Variants in ASXL2 observed in about 807,000 individuals in gnomAD.
ASXL2 encodes putative Polycomb group protein ASXL2.
In ASXL2, 23 loss-of-function variants were observed where a neutral mutation model predicts 122.0. That is an observed-to-expected ratio of 0.19 (90% CI 0.14 to 0.27). ASXL2 has a LOEUF of 0.27. ASXL2 is among the 10% of genes least tolerant of loss of function. The pLI, the probability that ASXL2 is intolerant of heterozygous loss-of-function variation, is 1.00. For missense variants in ASXL2, 1,518 were observed against 1,713.8 expected (o/e 0.89, Z 2.02); for synonymous variants, 650 against 637.0 (o/e 1.02, Z -0.31).
intron 5 of ASXL2, among the ~76,000 whole-genome samples, chr2:25,787,299 A>G (rs912323706): frequency 5.3e-5 from 8 of 152,224 alleles, no homozygotes; most frequent in Admixed American, 1.3e-4. Context: ...TGCTTCTGCT[A>G]AAAGCAGTGA....
chr2:25,810,630 T>C lies in ASXL2; in HGVS notation c.144-4293A>G. The C allele has an allele frequency of 3.8e-6, 3 of 787,410 alleles. No individual in the cohort carries two copies. In the South Asian group the frequency reaches 4.1e-5, roughly 11 times the overall value. The allele number at this position is 787,410 out of a possible 1,614,324, so 48.8% of individuals were successfully genotyped here. Reference sequence around the variant, plus strand: ...GCAGAACCTGGATATTGTGCTTCACTGCCTCAATAGTGGTGATCCCAGCCA... The same window carrying C: ...GCAGAACCTGGATATTGTGCTTCACCGCCTCAATAGTGGTGATCCCAGCCA... On this transcript the variant is annotated intron_variant, in intron 3 of 12. Coordinates refer to ENST00000435504, the MANE Select transcript of ASXL2 (RefSeq NM_018263.6).
chr2:25,748,255 T>G (rs1044762942), intron 12 of ASXL2, among the ~76,000 whole-genome samples: 1 of 151,010 alleles, frequency 6.6e-6, no homozygotes, highest in Non-Finnish European at 1.5e-5. Flanking sequence ...TCCCAGCACT[T>G]TGGGAGGCAG....
intron 2 of ASXL2, 81 bp downstream of exon 2, chr2:25,845,400 G>T (rs1187367286): frequency 2.2e-6 from 3 of 1,338,626 alleles, no homozygotes; most frequent in South Asian, 1.4e-5. Context: ...TTAATCTTCA[G>T]GACTAAAGTA....
At chr2:25,806,610 A>T (rs545069337) in intron 3 of ASXL2, among the ~76,000 whole-genome samples, 2 of 152,242 alleles carry the variant, frequency 1.3e-5, no homozygotes, top group African/African-American at 4.8e-5. Flanking sequence ...TATTACAAAC[A>T]TATTTTGTAA....
rs147416122 is a variant in ASXL2, at chr2:25,856,695, T to C, written c.58-11132A>G. ...CCCTCAGCCGTTAGAGTGAGCCAGT[T>C]TGCATACCTGGATCGATTCAGTCAC... is the stretch of plus-strand genomic sequence containing the variant. On this transcript the variant is annotated intron_variant, in intron 1 of 12. Coordinates refer to ENST00000435504, the MANE Select transcript of ASXL2 (RefSeq NM_018263.6). The C allele has an allele frequency of 1.3e-3, 1,721 of 1,291,940 alleles. 43 individuals are homozygous for C. In the East Asian group the frequency reaches 0.033, roughly 25 times the overall value. 80.0% of individuals were successfully genotyped at this position (1,291,940 alleles called of 1,614,324 possible).
chr2:25,856,364 T>A (rs948515645), intron 1 of ASXL2: 1 of 164,274 alleles, frequency 6.1e-6, no homozygotes, highest in Admixed American at 1.3e-4. Context: ...TGGCCTATAC[T>A]TTTTTTTTTT....
chr2:25,868,838 G>A (rs959832651), intron 1 of ASXL2, among the ~76,000 whole-genome samples: 4 of 152,106 alleles, frequency 2.6e-5, no homozygotes, highest in Non-Finnish European at 5.9e-5. Context: ...AGACCAGCAT[G>A]AGCAACATGC....
chr2:25,863,930 C>T lies in ASXL2; in HGVS notation c.57+14236G>A, dbSNP rs140115695. Among the ~76,000 whole-genome samples, 260 of 150,608 alleles carry T rather than the reference C, an allele frequency of 1.7e-3. 3 individuals carry two copies. The highest frequency in any genetic ancestry group is 6.2e-3 in the African/African-American group (255 of 40,872). On this transcript the variant is annotated intron_variant, in intron 1 of 12. Transcript: ENST00000435504. ...CTGAGGCAGGACAACTGCTTGAACC[C>T]GGGAGGTGGGGGCTGCAGTAAGCTG...
In ASXL2 at chr2:25,743,363, C is replaced by T; in HGVS notation, c.2974G>A (p.Ala992Thr). ...TCTGTTGTGTTGGTAGCTATGAGCG[C>T]TCCCATCCCCCTTTCCTCTTTTGCA... ...LTAKEERGMG[A>T]LIATNTTENS... Residue 992 changes from alanine to threonine, a missense_variant, in exon 13 of 13, where the codon GCG becomes ACG. By Grantham distance (58) the Ala-to-Thr change is moderately conservative (BLOSUM62 0). Transcript: ENST00000435504. 1 of 1,613,906 alleles carries T rather than the reference C, an allele frequency of 6.2e-7. No homozygotes were observed. Among genetic ancestry groups the T allele is most frequent in the Non-Finnish European group, 8.5e-7 (1 of 1,179,882 alleles).
At chr2:25,752,475 T>C (rs2088062247) in intron 11 of ASXL2, among the ~76,000 whole-genome samples, 1 of 152,224 alleles carries the variant, frequency 6.6e-6, no homozygotes, top group Non-Finnish European at 1.5e-5. Context: ...TAGTCCACAT[T>C]ACAAAATTCC....
At chr2:25,801,423 T>G (rs1056582313) in intron 4 of ASXL2, among the ~76,000 whole-genome samples, 1 of 152,184 alleles carries the variant, frequency 6.6e-6, no homozygotes, top group African/African-American at 2.4e-5. Flanking sequence ...CTAGTTAAGT[T>G]AGGTATTTTT....
At chr2:25,837,366 C>T (rs555307737) in intron 2 of ASXL2, among the ~76,000 whole-genome samples, 2 of 151,736 alleles carry the variant, frequency 1.3e-5, no homozygotes, top group South Asian at 4.2e-4. Flanking sequence ...TTTTTGTAAG[C>T]CAGAATATCC....
chr2:25,749,866 C>T lies in ASXL2; in HGVS notation c.1690G>A (p.Glu564Lys). 6.2e-7 allele frequency: 1 copy of T among 1,610,950 alleles called. No individual in the cohort carries two copies. Among genetic ancestry groups the T allele is most frequent in the Non-Finnish European group, 8.5e-7 (1 of 1,178,894 alleles). Residue 564 changes from glutamate (E) to lysine (K), a missense_variant, in exon 12 of 13, where the codon GAA becomes AAA. Coordinates refer to ENST00000435504, the MANE Select transcript of ASXL2 (RefSeq NM_018263.6). ...PLATLVDQSPESLKRKSSLTQ... is the reference protein window; with the variant it reads ...PLATLVDQSPKSLKRKSSLTQ... ...AGGGAAGACTTCCTCTTGAGGCTTT[C>T]TGGGCTCTGATCAACAAGAGTTGCT...
In ASXL2 at chr2:25,758,162, C is replaced by T. The variant is rs115114947; in HGVS notation, c.939+1320G>A. 4.0e-3 allele frequency among the ~76,000 whole-genome samples: 604 copies of T among 152,306 alleles called. 5 individuals carry two copies. The highest frequency in any genetic ancestry group is 0.013 in the African/African-American group (560 of 41,568). ...GACAATGGACTCTGAACTCCTTTGA[C>T]ATGTTCTGATTCACAACACTATGAA... On this transcript the variant is annotated intron_variant, in intron 9 of 12. Coordinates refer to ENST00000435504, the MANE Select transcript of ASXL2 (RefSeq NM_018263.6).
In ASXL2 at chr2:25,869,080, G is replaced by A. The variant is rs576974194; in HGVS notation, c.57+9086C>T. Among the ~76,000 whole-genome samples, 93 of 151,440 alleles carry A rather than the reference G, an allele frequency of 6.1e-4. 1 individual carries two copies. The highest frequency in any genetic ancestry group is 2.2e-3 in the African/African-American group (90 of 41,262). ...CTCGGGAGGCTGAGGCAGGAGAATC[G>A]CTTGAACCTTGGAGGTGGAGGTTGC... On this transcript the variant is annotated intron_variant, in intron 1 of 12. Coordinates refer to ENST00000435504, the MANE Select transcript of ASXL2 (RefSeq NM_018263.6).
At chr2:25,760,706 T>C (rs943421482) in intron 8 of ASXL2, among the ~76,000 whole-genome samples, 1 of 152,210 alleles carries the variant, frequency 6.6e-6, no homozygotes, top group Non-Finnish European at 1.5e-5. Context: ...CCCACTGGAT[T>C]CCTACAAATT....
At chr2:25,820,615 G>A (rs896595728) in intron 3 of ASXL2, among the ~76,000 whole-genome samples, 6 of 152,140 alleles carry the variant, frequency 3.9e-5, no homozygotes, top group Non-Finnish European at 7.3e-5. Context: ...AGCATTACCC[G>A]TATCCAGTAT....
chr2:25,878,412 C>T lies in ASXL2; in HGVS notation c.-190G>A. 5.0e-6 allele frequency: 3 copies of T among 603,744 alleles called. No individual in the cohort carries two copies. Among genetic ancestry groups the T allele is most frequent in the Non-Finnish European group, 8.8e-6 (3 of 341,520 alleles). 37.4% of individuals were successfully genotyped at this position (603,744 alleles called of 1,614,324 possible). ...GGGGGGGTCTATGGGGCGGCCGGTCCTCTTGCTGCCGTTGCCACTGCTACC... is the reference window on the plus strand; with the variant it reads ...GGGGGGGTCTATGGGGCGGCCGGTCTTCTTGCTGCCGTTGCCACTGCTACC... On this transcript the variant is annotated 5_prime_UTR_variant, in exon 1 of 13. Coordinates refer to ENST00000435504, the MANE Select transcript of ASXL2 (RefSeq NM_018263.6).
intron 9 of ASXL2, among the ~76,000 whole-genome samples, chr2:25,757,924 A>C (rs1388738488): frequency 8.3e-5 from 1 of 12,092 alleles, no homozygotes; most frequent in Non-Finnish European, 4.7e-4. Flanking sequence ...TCTTTAACAA[A>C]AAAAAAAAAA....
Sources: gnomAD v4.1 joint callset for allele counts (sites outside exome capture counted in the v4.1 genomes callset) on GRCh38, gnomAD v4.1.1 for gene constraint, MANE v1.5 for transcripts, NCBI Gene and HGNC (gene_info 2026-07-23, HGNC 2026-07-21) for gene names.